Variants in STK3 observed in about 807,000 individuals in gnomAD.
STK3 encodes serine/threonine kinase 3.
STK3 carries 41 observed loss-of-function variants against 58.0 expected under a neutral mutation model. The ratio of observed to expected loss-of-function variants is 0.71; its 90% CI spans 0.55 to 0.92. The LOEUF (loss-of-function observed/expected upper bound fraction) is 0.92. Ranked by LOEUF, STK3 falls within the 40% of genes least tolerant of loss-of-function variation. The probability of loss-of-function intolerance (pLI) is 0.00; values close to 1 mark genes in which losing one functional copy is unlikely to be tolerated. For missense variants in STK3, 479 were observed against 602.7 expected (o/e 0.79, Z 2.15); for synonymous variants, 170 against 191.0 (o/e 0.89, Z 0.91).
chr8:98,842,341 G>A (rs1239439046), intron 3 of STK3, among the ~76,000 whole-genome samples: 1 of 152,130 alleles, frequency 6.6e-6, no homozygotes, highest in Non-Finnish European at 1.5e-5. Context: ...TTGAAAAAAT[G>A]AGCAATTAAG....
At chr8:98,354,618 TCTC>T in the STK3 span, among the ~76,000 whole-genome samples, 4 of 152,262 alleles carry the variant, frequency 2.6e-5, no homozygotes, top group South Asian at 2.1e-4. Context: ...AATTGACTAT[TCTC>T]CTCATTGTTA....
chr8:98,689,288 A>G (rs78985890), intron 6 of STK3, among the ~76,000 whole-genome samples: 6,287 of 152,262 alleles, frequency 0.041, 191 homozygotes, highest in Non-Finnish European at 0.069. Context: ...AAAATCCCCC[A>G]AAGAGAGAGA....
chr8:98,500,780 G>A (rs576719697), intron 10 of STK3, among the ~76,000 whole-genome samples: 7 of 152,210 alleles, frequency 4.6e-5, no homozygotes, highest in South Asian at 2.1e-4. Flanking sequence ...TGGTGTATAC[G>A]TGCCACATCT....
At chr8:98,904,650 C>T in intron 1 of STK3, 3 of 630,868 alleles carry the variant, frequency 4.8e-6, no homozygotes, top group Non-Finnish European at 6.0e-6. Flanking sequence ...TCATACCGGG[C>T]CATGTCGTGT....
chr8:98,417,121 C>T (rs1359915870), intron 3 of STK3, among the ~76,000 whole-genome samples: 2 of 152,164 alleles, frequency 1.3e-5, no homozygotes, highest in Non-Finnish European at 2.9e-5. Context: ...GGGAGGTGTT[C>T]AGGAACCTCT....
At chr8:98,892,523 T>G (rs1407763578) in intron 1 of STK3, among the ~76,000 whole-genome samples, 1 of 152,188 alleles carries the variant, frequency 6.6e-6, no homozygotes, top group Non-Finnish European at 1.5e-5. Context: ...TGGGCTCTCC[T>G]ATGCCACTGC....
At chr8:98,768,427 CAAAT>C (rs1347323431) in intron 2 of STK3, among the ~76,000 whole-genome samples, 1 of 152,104 alleles carries the variant, frequency 6.6e-6, no homozygotes. Flanking sequence ...GAAAAAGAGA[CAAAT>C]AAGTGATAAC....
intron 3 of STK3, among the ~76,000 whole-genome samples, chr8:98,860,286 T>C (rs930215327): frequency 6.6e-6 from 1 of 152,218 alleles, no homozygotes. Flanking sequence ...TGGAGGTTGG[T>C]GGTTCCTTTA....
chr8:98,699,896 T>C (rs1257024893), intron 6 of STK3, among the ~76,000 whole-genome samples: 1 of 152,218 alleles, frequency 6.6e-6, no homozygotes, highest in African/African-American at 2.4e-5. Context: ...TCTTCAAAGC[T>C]GTCAGACAGG....
intron 6 of STK3, among the ~76,000 whole-genome samples, chr8:98,686,585 A>G (rs1202510188): frequency 6.6e-6 from 1 of 152,228 alleles, no homozygotes; most frequent in Non-Finnish European, 1.5e-5. Flanking sequence ...ACTCCTAACC[A>G]GAATGAAATG....
At chr8:98,463,901 G>T (rs1820212652) in intron 10 of STK3, among the ~76,000 whole-genome samples, 3 of 152,126 alleles carry the variant, frequency 2.0e-5, no homozygotes, top group African/African-American at 7.2e-5. Flanking sequence ...CAATCAGTCT[G>T]TCAAAATAAA....
At chr8:98,568,193 G>A (rs1812664120) in intron 8 of STK3, among the ~76,000 whole-genome samples, 1 of 152,064 alleles carries the variant, frequency 6.6e-6, no homozygotes, top group Admixed American at 6.6e-5. Flanking sequence ...CCATCAAAAT[G>A]GAGATTAGAA....
chr8:98,819,767 T>C (rs1470820679), intron 1 of STK3, among the ~76,000 whole-genome samples: 3 of 152,202 alleles, frequency 2.0e-5, no homozygotes, highest in Non-Finnish European at 2.9e-5. Flanking sequence ...CTCTCTGATA[T>C]ACACACAATT....
intron 9 of STK3, among the ~76,000 whole-genome samples, chr8:98,539,938 G>A (rs576411639): frequency 2.6e-5 from 4 of 152,162 alleles, no homozygotes; most frequent in Non-Finnish European, 5.9e-5. Flanking sequence ...ATTTTTAGTA[G>A]AGACGGGGTT....
chr8:98,477,988 AGAGTCTT>A (rs1255278703), intron 10 of STK3, among the ~76,000 whole-genome samples: 3 of 152,142 alleles, frequency 2.0e-5, no homozygotes, highest in Admixed American at 2.0e-4. Flanking sequence ...AGTCTACTCT[AGAGTCTT>A]GAGCATAGAG....
chr8:98,674,487 G>C (rs1042238025), intron 6 of STK3, among the ~76,000 whole-genome samples: 1 of 152,094 alleles, frequency 6.6e-6, no homozygotes, highest in Non-Finnish European at 1.5e-5. Flanking sequence ...CATAGGGCTA[G>C]ATTTGTGGAT....
rs182302434 is a variant in STK3, at chr8:98,792,916, G to A, written c.27-18097C>T. Among the ~76,000 whole-genome samples the A allele has an allele frequency of 4.0e-5, 6 of 151,752 alleles. No individual in the cohort carries two copies. In the East Asian group the frequency reaches 1.2e-3, roughly 29 times the overall value. On this transcript the variant is annotated intron_variant, in intron 1 of 10. Coordinates refer to ENST00000419617, the MANE Select transcript of STK3 (RefSeq NM_006281.4). ...ACTGTATGTGTGTGTGTGTGTGTGT[G>A]TGTGTGTGTATTACATATGTGTGTA...
At chr8:98,903,541 CTTCTTCTTCTTCTTCCT>C (rs1329587962) in intron 1 of STK3, among the ~76,000 whole-genome samples, 1 of 26,968 alleles carries the variant, frequency 3.7e-5, no homozygotes, top group Non-Finnish European at 5.9e-5. Context: ...TCTTCTTCTT[CTTCTTCTTCTTCTTCCT>C]TTTTTTTTTT....
At chr8:98,937,157 T>C (rs1450246428) in intron 1 of STK3, among the ~76,000 whole-genome samples, 1 of 152,180 alleles carries the variant, frequency 6.6e-6, no homozygotes, top group Non-Finnish European at 1.5e-5. Context: ...ATGGGGCCAA[T>C]CTAGCCGTCT....
Sources: allele counts gnomAD v4.1 joint callset (sites outside exome capture counted in the v4.1 genomes callset), GRCh38; gene constraint gnomAD v4.1.1; transcripts MANE v1.5; gene names NCBI Gene and HGNC (gene_info 2026-07-23, HGNC 2026-07-21).